INTU: variants seen among roughly 807,000 people sequenced by gnomAD.
The protein encoded by INTU is inturned planar cell polarity protein, also known as protein inturned.
A neutral mutation model predicts 100.5 loss-of-function variants in INTU; 68 were observed. The ratio of observed to expected loss-of-function variants is 0.68; its 90% CI spans 0.56 to 0.83. The LOEUF (loss-of-function observed/expected upper bound fraction) is 0.83, where lower values mean the gene tolerates loss of function less well. INTU is among the 40% of genes least tolerant of loss of function. The pLI is 0.00. For missense variants in INTU, 1,071 were observed against 1,114.7 expected, an observed-to-expected ratio of 0.96 and a Z score of 0.56; for synonymous variants, 357 against 395.7, an observed-to-expected ratio of 0.90 and a Z score of 1.16.
In INTU at chr4:127,723,371, G is replaced by T. The variant is rs1731373975; in HGVS notation, c.*6935G>T. ...AGAGCTGCCTCTCTTTGACCATCTG[G>T]GCTCTCTGTTCTACTTTTTTTTTTT... On this transcript the variant is annotated 3_prime_UTR_variant, in exon 16 of 16. Coordinates refer to ENST00000335251, the MANE Select transcript of INTU (RefSeq NM_015693.4). 1 of 149,756 alleles carries T rather than the reference G, an allele frequency of 6.7e-6. No individual in the cohort carries two copies. Among genetic ancestry groups the T allele is most frequent in the African/African-American group, 2.5e-5 (1 of 40,182 alleles). 9.3% of individuals were successfully genotyped at this position (149,756 alleles called of 1,614,324 possible). A position where few individuals can be genotyped will look rare whatever the true frequency, so the allele number is the denominator to read the frequency against.
At chr4:127,654,633 T>C (rs1291707956) in intron 2 of INTU, among the ~76,000 whole-genome samples, 1 of 151,438 alleles carries the variant, frequency 6.6e-6, no homozygotes, top group Non-Finnish European at 1.5e-5. Context: ...TAACCCGACC[T>C]TTCTCTCTGG....
At chr4:127,655,742 G>T (rs554927725) in intron 2 of INTU, among the ~76,000 whole-genome samples, 1 of 152,306 alleles carries the variant, frequency 6.6e-6, no homozygotes, top group South Asian at 2.1e-4. Context: ...GAGCTGTGGT[G>T]GGCTCCACCC....
In INTU at chr4:127,718,463, C is replaced by T. The variant is rs1731300744; in HGVS notation, c.*2027C>T. On this transcript the variant is annotated 3_prime_UTR_variant, in exon 16 of 16. Transcript: ENST00000335251. ...TTGGCTTAGGATTGCCTTGGCTATACAGGCTCTTTTTTTGGTTCCATATAA... is the reference window on the plus strand; with the variant it reads ...TTGGCTTAGGATTGCCTTGGCTATATAGGCTCTTTTTTTGGTTCCATATAA... 6.6e-6 allele frequency: 1 copy of T among 152,090 alleles called. No individual in the cohort carries two copies. Among genetic ancestry groups the T allele is most frequent in the Admixed American group, 6.6e-5 (1 of 15,252 alleles). The allele number at this position is 152,090 out of a possible 1,614,324, so 9.4% of individuals were successfully genotyped here. A position where few individuals can be genotyped will look rare whatever the true frequency, so the allele number is the denominator to read the frequency against.
At chr4:127,646,013 T>C (rs1727567660) in intron 2 of INTU, among the ~76,000 whole-genome samples, 1 of 151,880 alleles carries the variant, frequency 6.6e-6, no homozygotes, top group African/African-American at 2.4e-5. Flanking sequence ...CAAGACCCCG[T>C]GTCTACTAAA....
Position 127,721,074 on chromosome 4 carries a change from GTGTATTTCAATGTGTTTTT to G in INTU, c.*4643_*4661del, listed in dbSNP as rs554022853. On this transcript the variant is annotated 3_prime_UTR_variant, in exon 16 of 16. Coordinates refer to ENST00000335251, the MANE Select transcript of INTU (RefSeq NM_015693.4). ...TTTTGCTTCATAGTGTTACTGATCT[GTGTATTTCAATGTGTTTTT>G]TGTAGCGGCTGGTAACAGTTTTTCC... 7.0e-4 allele frequency: 106 copies of G among 152,208 alleles called. No individual in the cohort carries two copies. Among genetic ancestry groups the G allele is most frequent in the African/African-American group, 2.5e-3 (104 of 41,558 alleles). The allele number at this position is 152,208 out of a possible 1,614,324, so 9.4% of individuals were successfully genotyped here. A position where few individuals can be genotyped will look rare whatever the true frequency, so the allele number is the denominator to read the frequency against.
intron 15 of INTU, among the ~76,000 whole-genome samples, chr4:127,716,105 AT>A (rs1408933579): frequency 9.9e-5 from 15 of 152,260 alleles, no homozygotes; most frequent in Non-Finnish European, 2.9e-5. Flanking sequence ...ATAAAATAGG[AT>A]TATTACACTC....
intron 6 of INTU, among the ~76,000 whole-genome samples, chr4:127,676,636 G>A (rs1729205322): frequency 6.6e-6 from 1 of 151,696 alleles, no homozygotes; most frequent in Admixed American, 6.6e-5. Flanking sequence ...GGCCGAATAG[G>A]AACAGGTCCA....
At chr4:127,661,142 G>A (rs1171578083) in intron 3 of INTU, among the ~76,000 whole-genome samples, 2 of 152,278 alleles carry the variant, frequency 1.3e-5, no homozygotes, top group South Asian at 2.1e-4. Flanking sequence ...GGATGGTTCG[G>A]TGGTGTGTGT....
intron 1 of INTU, among the ~76,000 whole-genome samples, chr4:127,633,619 G>A (rs1290286456): frequency 1.3e-5 from 2 of 152,072 alleles, no homozygotes; most frequent in African/African-American, 4.8e-5. Flanking sequence ...AATTTATGTA[G>A]ATTTTTTCTG....
At position 127,633,196 on chromosome 4, in the gene INTU, A is replaced by C. The variant is rs370905905; in HGVS notation, c.146+16A>C. On this transcript the variant is annotated intron_variant, in intron 1 of 15. Coordinates refer to ENST00000335251, the MANE Select transcript of INTU (RefSeq NM_015693.4). ...GCGATTATGAGTAAGGTTTTCAAAG[A>C]GGGACAATTAATCCCATCCCATCAA... The C allele has an allele frequency of 6.2e-6, 10 of 1,610,724 alleles. No homozygotes were observed. Among genetic ancestry groups the C allele is most frequent in the South Asian group, 3.3e-5 (3 of 90,938 alleles).
At chr4:127,716,301 T>C in intron 15 of INTU, 24 bp from the exon 16 acceptor site, 1 of 1,096,628 alleles carries the variant, frequency 9.1e-7, no homozygotes, top group Non-Finnish European at 1.3e-6. Context: ...ATTTCTGAAA[T>C]GAGTGTGTTC....
At chr4:127,687,210 G>T (rs1166456594) in intron 7 of INTU, 1 of 152,292 alleles carries the variant, frequency 6.6e-6, no homozygotes, top group East Asian at 1.9e-4. Context: ...CAAAGTTAGA[G>T]AAAGGTTAGG....
chr4:127,669,996 G>A (rs1277440678), intron 5 of INTU, among the ~76,000 whole-genome samples: 1 of 151,848 alleles, frequency 6.6e-6, no homozygotes, highest in Non-Finnish European at 1.5e-5. Context: ...AATGATGGAT[G>A]AGCAACATTG....
intron 3 of INTU, 92 bp from the exon 4 acceptor site, chr4:127,663,289 T>A: frequency 1.2e-6 from 1 of 827,396 alleles, no homozygotes; most frequent in Non-Finnish European, 2.0e-6. Context: ...TGTACATACC[T>A]GGGTGTATGT....
chr4:127,644,743 T>C (rs1727496191), intron 2 of INTU, among the ~76,000 whole-genome samples: 1 of 152,194 alleles, frequency 6.6e-6, no homozygotes. Context: ...TGAGTAAAAT[T>C]TGAGGATATA....
At chr4:127,712,304 T>C (rs990438385) in intron 14 of INTU, among the ~76,000 whole-genome samples, 1 of 152,216 alleles carries the variant, frequency 6.6e-6, no homozygotes, top group Non-Finnish European at 1.5e-5. Context: ...ATTGTTATTC[T>C]GTAAAAATAC....
At chr4:127,679,405 C>G (rs1409255520) in intron 6 of INTU, among the ~76,000 whole-genome samples, 2 of 152,170 alleles carry the variant, frequency 1.3e-5, no homozygotes, top group South Asian at 4.1e-4. Flanking sequence ...CAAACTGTCT[C>G]TCAGACCACA....
At chr4:127,699,578 C>T (rs941722904) in intron 8 of INTU, among the ~76,000 whole-genome samples, 1 of 152,132 alleles carries the variant, frequency 6.6e-6, no homozygotes, top group Non-Finnish European at 1.5e-5. Flanking sequence ...AATGGAGAAT[C>T]GAGAACAACT....
At chr4:127,674,481 T>C (rs1169321588) in intron 6 of INTU, among the ~76,000 whole-genome samples, 2 of 152,218 alleles carry the variant, frequency 1.3e-5, no homozygotes, top group African/African-American at 2.4e-5. Context: ...GGCTGAGAGA[T>C]GAGCTCTGCC....
Sources: gnomAD v4.1 joint callset for allele counts (sites outside exome capture counted in the v4.1 genomes callset) on GRCh38, gnomAD v4.1.1 for gene constraint, MANE v1.5 for transcripts, NCBI Gene and HGNC (gene_info 2026-07-23, HGNC 2026-07-21) for gene names.